BLTP1: variants seen among roughly 807,000 people sequenced by gnomAD.
BLTP1 encodes the protein fragile site-associated protein.
the BLTP1 span, chr4:122,271,692 T>C: frequency 6.3e-7 from 1 of 1,580,586 alleles, no homozygotes; most frequent in Non-Finnish European, 8.6e-7. Flanking sequence ...ACAGGAATAT[T>C]GGAAAAGTCT....
the BLTP1 span, chr4:122,205,968 A>G: frequency 1.0e-6 from 1 of 984,944 alleles, no homozygotes; most frequent in Non-Finnish European, 1.2e-6. Flanking sequence ...ATAAAGTTGT[A>G]CAAACTGCTA....
the BLTP1 span, chr4:122,315,441 G>A: frequency 6.2e-7 from 1 of 1,613,510 alleles, no homozygotes; most frequent in East Asian, 2.2e-5. Flanking sequence ...TAACAAAAAT[G>A]CAACTTCTTT....
the BLTP1 span, among the ~76,000 whole-genome samples, chr4:122,350,666 G>T: frequency 6.6e-6 from 1 of 152,194 alleles, no homozygotes. Flanking sequence ...TGTGAGGATA[G>T]CTATTTTAGA....
At chr4:122,304,727 GACT>G in the BLTP1 span, 1 of 1,558,974 alleles carries the variant, frequency 6.4e-7, no homozygotes, top group South Asian at 1.2e-5. Flanking sequence ...TATACTGAAA[GACT>G]ACATTTGAGT....
chr4:122,319,578 G>A, the BLTP1 span, among the ~76,000 whole-genome samples: 11 of 134,244 alleles, frequency 8.2e-5, no homozygotes, highest in Admixed American at 9.0e-4. Flanking sequence ...GTCTCGCTCT[G>A]TTGCCCAGAT....
the BLTP1 span, chr4:122,331,693 A>G: frequency 7.2e-7 from 1 of 1,394,208 alleles, no homozygotes; most frequent in Admixed American, 3.2e-5. Context: ...TATATTTCTT[A>G]TACAGTTTCT....
At chr4:122,214,786 A>AT in the BLTP1 span, among the ~76,000 whole-genome samples, 1 of 151,344 alleles carries the variant, frequency 6.6e-6, no homozygotes, top group Non-Finnish European at 1.5e-5. Flanking sequence ...TAATTTTTGT[A>AT]TTTTTTGTGG....
the BLTP1 span, among the ~76,000 whole-genome samples, chr4:122,278,304 A>G: frequency 2.0e-5 from 3 of 152,170 alleles, no homozygotes; most frequent in African/African-American, 4.8e-5. Flanking sequence ...TCTTTTTCAC[A>G]TTATTAACTG....
the BLTP1 span, chr4:122,175,983 A>C: frequency 1.2e-6 from 1 of 834,478 alleles, no homozygotes; most frequent in Non-Finnish European, 2.0e-6. Context: ...AAACTAATTA[A>C]AATTAGATAT....
chr4:122,268,354 G>A, the BLTP1 span, among the ~76,000 whole-genome samples: 1 of 152,024 alleles, frequency 6.6e-6, no homozygotes, highest in Admixed American at 6.6e-5. Flanking sequence ...TGTGTGCCTT[G>A]GTAAAATGTC....
chr4:122,235,144 G>A, the BLTP1 span: 1 of 951,564 alleles, frequency 1.1e-6, no homozygotes, highest in Non-Finnish European at 1.5e-6. Context: ...TTATGAGTAG[G>A]GTTTAGTATA....
chr4:122,360,148 A>C, the BLTP1 span: 1 of 625,458 alleles, frequency 1.6e-6, no homozygotes, highest in Non-Finnish European at 2.0e-6. Context: ...TATATATGTC[A>C]TAACACTGTA....
chr4:122,233,723 CTA>C, the BLTP1 span, among the ~76,000 whole-genome samples: 2 of 152,152 alleles, frequency 1.3e-5, no homozygotes, highest in Non-Finnish European at 2.9e-5. Context: ...TTTAATGTCT[CTA>C]TGTTACTTTT....
At chr4:122,308,120 A>G in the BLTP1 span, 2 of 1,613,458 alleles carry the variant, frequency 1.2e-6, no homozygotes, top group Non-Finnish European at 1.7e-6. Flanking sequence ...CTCACTGTCA[A>G]TGATCTGGGA....
chr4:122,168,648 T>G, the BLTP1 span, among the ~76,000 whole-genome samples: 1 of 152,148 alleles, frequency 6.6e-6, no homozygotes, highest in Non-Finnish European at 1.5e-5. Flanking sequence ...CGTCAAATTT[T>G]AAGGTGCTGA....
chr4:122,282,093 G>T, the BLTP1 span: 3 of 981,704 alleles, frequency 3.1e-6, no homozygotes, highest in African/African-American at 5.2e-5. Flanking sequence ...GAATAACTTG[G>T]TTTATTTTCA....
the BLTP1 span, chr4:122,234,948 G>C: frequency 6.2e-7 from 1 of 1,613,772 alleles, no homozygotes. Context: ...TGCAGAGTCT[G>C]ATATGTATTA....
At chr4:122,244,100 A>G in the BLTP1 span, 3 of 1,408,808 alleles carry the variant, frequency 2.1e-6, no homozygotes, top group Admixed American at 2.7e-5. Context: ...AGTATATGTG[A>G]TATGTTCGTG....
the BLTP1 span, among the ~76,000 whole-genome samples, chr4:122,300,527 T>C: frequency 6.6e-6 from 1 of 152,198 alleles, no homozygotes; most frequent in East Asian, 1.9e-4. Flanking sequence ...GCCTCTATTT[T>C]CTTCCTATTT....
Sources: gnomAD v4.1 joint callset for allele counts (sites outside exome capture counted in the v4.1 genomes callset) on GRCh38, gnomAD v4.1.1 for gene constraint, MANE v1.5 for transcripts, NCBI Gene and HGNC (gene_info 2026-07-23, HGNC 2026-07-21) for gene names.